Variants in FAAP20 observed in about 807,000 individuals in gnomAD.
FAAP20 encodes the protein Fanconi anemia core complex-associated protein 20.
Under a neutral mutation model 16.2 loss-of-function variants are expected in FAAP20, and 12 were observed. The observed-to-expected ratio is 0.74, with a 90% CI of 0.48 to 1.20. The LOEUF is 1.20. Ranked by LOEUF, FAAP20 falls within the 50% of genes most tolerant of loss-of-function variation. FAAP20 has a pLI of 0.00. For synonymous variants in FAAP20, 141 were observed against 110.7 expected, an observed-to-expected ratio of 1.27 and a Z score of -1.72; for missense variants, 288 against 245.8, an observed-to-expected ratio of 1.17 and a Z score of -1.15.
At chr1:2,186,496 GC>G (rs59105760), downstream of FAAP20, among the ~76,000 whole-genome samples, 757 of 111,686 alleles carry the variant, frequency 6.8e-3, 35 homozygotes, top group Middle Eastern at 0.022. Flanking sequence ...CTGGACACCC[GC>G]CCCCCCCCGG....
chr1:2,194,885 G>A (rs1256478691), upstream of FAAP20: 3 of 802,848 alleles, frequency 3.7e-6, no homozygotes, highest in East Asian at 2.7e-4. Context: ...CAGGGGCCCT[G>A]ATCCCAGCCT....
intron 2 of FAAP20, 43 bp from the exon 3 acceptor site, chr1:2,193,953 G>A (rs751934637): frequency 1.9e-6 from 3 of 1,612,278 alleles, no homozygotes; most frequent in South Asian, 1.1e-5. Flanking sequence ...GATGGCTCCC[G>A]CCCTGGAAAC....
chr1:2,208,765 G>A (rs1003740536), downstream of FAAP20, among the ~76,000 whole-genome samples: 5 of 152,232 alleles, frequency 3.3e-5, no homozygotes, highest in South Asian at 2.1e-4. Flanking sequence ...GGTTTGGGCC[G>A]GGCCAGGCGA....
At chr1:2,196,000 G>C (rs1688805204), upstream of FAAP20, among the ~76,000 whole-genome samples, 8 of 152,268 alleles carry the variant, frequency 5.3e-5, no homozygotes, top group South Asian at 1.5e-3. Context: ...CAGGCCGTGT[G>C]GTCTCAGGGG....
chr1:2,194,089 C>T lies in FAAP20; in HGVS notation c.107G>A (p.Arg36Gln), dbSNP rs372120570. Residue 36 changes from arginine to glutamine, a missense_variant, in exon 2 of 4, where the codon CGG (arginine) becomes CAG (glutamine). Transcript: ENST00000378546. ...RPWFLLGGDE[R>Q]ERLWAELLRT... ...CAGTAGCTCGGCCCAGAGCCGCTCC[C>T]GCTCATCACCCCCCAGGAGAAACCA... 268 of 1,612,424 alleles carry T rather than the reference C, an allele frequency of 1.7e-4. No individual in the cohort carries two copies. Among genetic ancestry groups the T allele is most frequent in the South Asian group, 3.0e-4 (27 of 91,076 alleles).
At chr1:2,187,136 C>T (rs1426385483), downstream of FAAP20, 2 of 468,630 alleles carry the variant, frequency 4.3e-6, no homozygotes, top group Non-Finnish European at 8.9e-6. Context: ...CCGTGGCTGG[C>T]CGGCTCTCCT....
Position 2,189,565 on chromosome 1 carries a change from G to A in FAAP20, c.*144C>T, listed in dbSNP as rs562885630. 2 of 705,886 alleles carry A rather than the reference G, an allele frequency of 2.8e-6. No homozygotes were observed. The highest frequency in any genetic ancestry group is 2.7e-5 in the East Asian group (1 of 37,594). The allele number at this position is 705,886 out of a possible 1,614,324, so 43.7% of individuals were successfully genotyped here. On this transcript the variant is annotated 3_prime_UTR_variant, in exon 4 of 4. Transcript: ENST00000378546. Reference sequence around the variant, plus strand: ...GGCAGACGTTTCATCACAACACAGAGACAGACAGGAGCCCGCCCTGCTTTA... The same window carrying A: ...GGCAGACGTTTCATCACAACACAGAAACAGACAGGAGCCCGCCCTGCTTTA...
At chr1:2,195,275 G>A (rs558561984), upstream of FAAP20, among the ~76,000 whole-genome samples, 2 of 152,368 alleles carry the variant, frequency 1.3e-5, no homozygotes. Flanking sequence ...TTGGGCCTCA[G>A]GGGCCTGGGC....
chr1:2,204,137 A>C (rs1689147943), upstream of FAAP20, among the ~76,000 whole-genome samples: 1 of 152,222 alleles, frequency 6.6e-6, no homozygotes, highest in Non-Finnish European at 1.5e-5. Flanking sequence ...TGGCCTCCAC[A>C]GACCCTCACA....
At chr1:2,205,325 A>AG (rs1023053635) in intron 3 of FAAP20, among the ~76,000 whole-genome samples, 21 of 101,380 alleles carry the variant, frequency 2.1e-4, no homozygotes, top group African/African-American at 8.3e-4. Flanking sequence ...CCCGCCCCGC[A>AG]GGGTCCCGCC....
intron 3 of FAAP20, among the ~76,000 whole-genome samples, chr1:2,205,911 C>T (rs927069735): frequency 6.6e-6 from 1 of 152,174 alleles, no homozygotes; most frequent in African/African-American, 2.4e-5. Flanking sequence ...CACACCTGTC[C>T]GAAGCCTTAA....
chr1:2,205,584 G>A (rs1259310696), intron 3 of FAAP20, among the ~76,000 whole-genome samples: 1 of 152,148 alleles, frequency 6.6e-6, no homozygotes, highest in Non-Finnish European at 1.5e-5. Context: ...GCCTGCGGAC[G>A]GCGAAGGGGC....
downstream of FAAP20, chr1:2,185,142 G>C: frequency 3.4e-6 from 3 of 889,718 alleles, no homozygotes; most frequent in Non-Finnish European, 5.3e-6. Context: ...AGACCGCAGA[G>C]GGAAGCGTCA....
downstream of FAAP20, chr1:2,185,322 G>A (rs1006027187): frequency 9.7e-6 from 7 of 718,620 alleles, no homozygotes; most frequent in East Asian, 1.1e-4. Flanking sequence ...AACAGAACTC[G>A]ATGCACTGAC....
chr1:2,197,615 T>A (rs1451975199), upstream of FAAP20, among the ~76,000 whole-genome samples: 1 of 152,234 alleles, frequency 6.6e-6, no homozygotes, highest in East Asian at 1.9e-4. Context: ...CCCAGGCCAG[T>A]GCCATGGGGC....
At chr1:2,196,795 G>C (rs1452669447), upstream of FAAP20, among the ~76,000 whole-genome samples, 1 of 152,140 alleles carries the variant, frequency 6.6e-6, no homozygotes, top group African/African-American at 2.4e-5. This position sits in a 1 kb window ranked among gnomAD's most constrained non-coding sequence, Gnocchi z 4.5. Context: ...AGCCAAGATC[G>C]CACCACTGCA....
rs909569816 is a variant in FAAP20 at position 2,192,278 on chromosome 1, T to C, written c.470+1361A>G. 7 of 986,050 alleles carry C rather than the reference T, an allele frequency of 7.1e-6. No individual in the cohort carries two copies. In the African/African-American group the frequency reaches 1.2e-4, roughly 17 times the overall value. 61.1% of individuals were successfully genotyped at this position (986,050 alleles called of 1,614,324 possible). ...TGCGGTGGCCACAGCCTCGGGTGAG[T>C]TCCGGTTCCAAAGTACCGGCTCTCC... is the stretch of plus-strand genomic sequence containing the variant. On this transcript the variant is annotated intron_variant, in intron 3 of 3. Coordinates refer to ENST00000378546, the MANE Select transcript of FAAP20 (RefSeq NM_182533.4).
Position 2,189,601 on chromosome 1 carries a change from G to A in FAAP20, c.*108C>T. The A allele has an allele frequency of 4.9e-6, 4 of 809,518 alleles. No individual in the cohort carries two copies. Among genetic ancestry groups the A allele is most frequent in the Non-Finnish European group, 8.0e-6 (4 of 499,302 alleles). The allele number at this position is 809,518 out of a possible 1,614,324, so 50.1% of individuals were successfully genotyped here. ...GCCCGCCCTGCTTTAATGCGCATGC[G>A]GGGGAGCCGAGAGGCGGGGCTGCTG... On this transcript the variant is annotated 3_prime_UTR_variant, in exon 4 of 4. Transcript: ENST00000378546.
intron 3 of FAAP20, chr1:2,190,636 G>C (rs995480510): frequency 2.9e-5 from 10 of 348,184 alleles, no homozygotes; most frequent in Non-Finnish European, 5.2e-5. Flanking sequence ...CAGAGCTGCC[G>C]GGGACGATGT....
Sources: allele counts gnomAD v4.1 joint callset (sites outside exome capture counted in the v4.1 genomes callset), GRCh38; gene constraint gnomAD v4.1.1; non-coding constraint Gnocchi (gnomAD v3.1); transcripts MANE v1.5; gene names NCBI Gene and HGNC (gene_info 2026-07-23, HGNC 2026-07-21).